PCDHGA11: variants seen among roughly 807,000 people sequenced by gnomAD.
PCDHGA11 encodes protocadherin gamma subfamily A, 11, also known as protocadherin gamma-A11.
PCDHGA11 carries 39 observed loss-of-function variants against 60.4 expected under a neutral mutation model. The ratio of observed to expected loss-of-function variants is 0.65; its 90% CI spans 0.50 to 0.84. The LOEUF (loss-of-function observed/expected upper bound fraction) is 0.84, where lower values mean the gene tolerates loss of function less well. Ranked by LOEUF, PCDHGA11 falls within the 40% of genes least tolerant of loss-of-function variation. The pLI is 0.00. For missense variants in PCDHGA11, 1,165 were observed against 1,197.7 expected (o/e 0.97, Z 0.40); for synonymous variants, 533 against 510.3 (o/e 1.04, Z -0.60).
rs547284271 is a variant in PCDHGA11 at position 141,489,064 on chromosome 5, C to G, written c.2434-5743C>G. On this transcript the variant is annotated intron_variant, in intron 1 of 3. Coordinates refer to ENST00000398587, the MANE Select transcript of PCDHGA11 (RefSeq NM_018914.3). This position sits in a 1 kb window ranked among gnomAD's most constrained non-coding sequence, Gnocchi z 4.5. ...TCCACTCAAATTCAGCTCCCCTCCC[C>G]CCTGCCCACCCCCGCCACTCGGTGA... 1.9e-4 allele frequency: 74 copies of G among 387,742 alleles called. No homozygotes were observed. The highest frequency in any genetic ancestry group is 1.5e-3 in the African/African-American group (70 of 47,296). The allele number at this position is 387,742 out of a possible 1,614,324, so 24.0% of individuals were successfully genotyped here. A position where few individuals can be genotyped will look rare whatever the true frequency, so the allele number is the denominator to read the frequency against.
intron 1 of PCDHGA11, among the ~76,000 whole-genome samples, chr5:141,443,008 T>C (rs2098358096): frequency 1.3e-5 from 2 of 152,220 alleles, no homozygotes; most frequent in Admixed American, 1.3e-4. Context: ...TCTAAGAATA[T>C]GACTAATGGA....
chr5:141,421,975 G>T lies in PCDHGA11; in HGVS notation c.748G>T (p.Val250Leu). 1 of 1,610,052 alleles carries T rather than the reference G, an allele frequency of 6.2e-7. No individual in the cohort carries two copies. Among genetic ancestry groups the T allele is most frequent in the African/African-American group, 1.3e-5 (1 of 74,842 alleles). ...IPMFTQSVYR[V>L]SVPENISSGT... ...AATGTTTACACAGTCCGTATATCGCGTGAGTGTTCCAGAAAACATCAGCTC... is the reference window on the plus strand; with the variant it reads ...AATGTTTACACAGTCCGTATATCGCTTGAGTGTTCCAGAAAACATCAGCTC... The change falls in exon 1 of 4, where the codon GTG becomes TTG. Residue 250 changes from valine (V) to leucine (L), a missense_variant. Val to Leu is a conservative substitution (Grantham distance 32). Transcript: ENST00000398587.
chr5:141,476,584 C>T lies in PCDHGA11; in HGVS notation c.2434-18223C>T. 6.2e-7 allele frequency: 1 copy of T among 1,614,218 alleles called. No individual in the cohort carries two copies. The highest frequency in any genetic ancestry group is 8.5e-7 in the Non-Finnish European group (1 of 1,180,042). ...TGGCTCCGGGGACGCGCTTTCCGCTCGAGAGCGCGCACGATCCCGATGTGG... is the reference window on the plus strand; with the variant it reads ...TGGCTCCGGGGACGCGCTTTCCGCTTGAGAGCGCGCACGATCCCGATGTGG... On this transcript the variant is annotated intron_variant, in intron 1 of 3. Coordinates refer to ENST00000398587, the MANE Select transcript of PCDHGA11 (RefSeq NM_018914.3). The surrounding 1 kb of genome is among the most constrained non-coding windows in gnomAD (Gnocchi z 7.6).
intron 1 of PCDHGA11, among the ~76,000 whole-genome samples, chr5:141,446,325 T>G (rs1440954528): frequency 3.9e-5 from 6 of 152,124 alleles, no homozygotes; most frequent in African/African-American, 1.4e-4. Flanking sequence ...GTTTCCACAT[T>G]AAGGAACTGG....
Position 141,422,431 on chromosome 5 carries a change from T to G in PCDHGA11, c.1204T>G (p.Tyr402Asp). 6.2e-7 allele frequency: 1 copy of G among 1,608,846 alleles called. No homozygotes were observed. Among genetic ancestry groups the G allele is most frequent in the Non-Finnish European group, 8.5e-7 (1 of 1,178,460 alleles). ...PFKLEKTYGN[Y>D]YKLITSRVLD... ...TAAATTAGAAAAGACTTATGGAAAT[T>G]ATTACAAATTGATAACAAGCAGAGT... Residue 402 changes from tyrosine (Y) to aspartate (D), a missense_variant, in exon 1 of 4, where the codon TAT (tyrosine) becomes GAT (aspartate). Tyr to Asp is a radical substitution (Grantham distance 160). Transcript: ENST00000398587.
chr5:141,455,983 C>T (rs542017964), intron 1 of PCDHGA11, among the ~76,000 whole-genome samples: 23 of 151,546 alleles, frequency 1.5e-4, no homozygotes, highest in African/African-American at 5.1e-4. Context: ...CTGCAAGCTC[C>T]GCCTCTCGGG....
intron 1 of PCDHGA11, chr5:141,433,239 G>A: frequency 1.3e-6 from 2 of 1,494,126 alleles, no homozygotes; most frequent in Non-Finnish European, 1.8e-6. Context: ...TGTCTCCCAA[G>A]CTGGAATGCA....
Position 141,432,880 on chromosome 5 carries a change from C to T in PCDHGA11, c.2433+9220C>T, listed in dbSNP as rs865848752. ...CGGTCTCCTGCGTCTTCCTGGCCTT[C>T]GTCATCTTGCTGCTGGCGCTCAGGC... On this transcript the variant is annotated intron_variant, in intron 1 of 3. Transcript: ENST00000398587. The surrounding 1 kb of genome is among the most constrained non-coding windows in gnomAD (Gnocchi z 6.0). 1 of 1,614,194 alleles carries T rather than the reference C, an allele frequency of 6.2e-7. No individual in the cohort carries two copies. Among genetic ancestry groups the T allele is most frequent in the Non-Finnish European group, 8.5e-7 (1 of 1,180,008 alleles).
At chr5:141,460,733 C>T (rs988651750) in intron 1 of PCDHGA11, among the ~76,000 whole-genome samples, 2 of 150,844 alleles carry the variant, frequency 1.3e-5, no homozygotes, top group Non-Finnish European at 3.0e-5. Context: ...CATATATACA[C>T]ATTGTATATA....
Position 141,511,072 on chromosome 5 carries a change from A to C in PCDHGA11, c.2707A>C (p.Ser903Arg). The C allele has an allele frequency of 6.2e-7, 1 of 1,614,252 alleles. No individual in the cohort carries two copies. Among genetic ancestry groups the C allele is most frequent in the Non-Finnish European group, 8.5e-7 (1 of 1,180,034 alleles). Residue 903 changes from serine to arginine, a missense_variant, in exon 4 of 4, where the codon AGC (serine) becomes CGC (arginine). Ser to Arg is a moderately radical substitution (Grantham distance 110). Coordinates refer to ENST00000398587, the MANE Select transcript of PCDHGA11 (RefSeq NM_018914.3). ...CCGCCAGAATGTCTACATCCCAGGC[A>C]GCAATGCCACACTGACCAACGCAGC... ...DYRQNVYIPG[S>R]NATLTNAAGK...
chr5:141,485,106 T>A lies in PCDHGA11; in HGVS notation c.2434-9701T>A, dbSNP rs2099607051. 8.3e-7 allele frequency: 1 copy of A among 1,206,448 alleles called. No individual in the cohort carries two copies. Among genetic ancestry groups the A allele is most frequent in the Admixed American group, 1.8e-5 (1 of 55,050 alleles). 74.7% of individuals were successfully genotyped at this position (1,206,448 alleles called of 1,614,324 possible). On this transcript the variant is annotated intron_variant, in intron 1 of 3. Coordinates refer to ENST00000398587, the MANE Select transcript of PCDHGA11 (RefSeq NM_018914.3). The surrounding 1 kb of genome is among the most constrained non-coding windows in gnomAD (Gnocchi z 5.7). ...GGGAGATAGGTGTCTCCAGCTGCTG[T>A]GGCTGTTTGGGGCGGGTCGGCTTCA...
At chr5:141,473,168 A>G (rs1026233643) in intron 1 of PCDHGA11, among the ~76,000 whole-genome samples, 2 of 152,218 alleles carry the variant, frequency 1.3e-5, no homozygotes, top group Admixed American at 1.3e-4. Context: ...AGGAAGGCCC[A>G]CTGGTAACTT....
In PCDHGA11 at chr5:141,489,291, C is replaced by A; in HGVS notation, c.2434-5516C>A. ...TCGCTGGGAAATGGCAAGTGCTGTG[C>A]ATGTTGTCCTTGTGCTGCTGGGGCT... is the stretch of plus-strand genomic sequence containing the variant. On this transcript the variant is annotated intron_variant, in intron 1 of 3. Transcript: ENST00000398587. This position sits in a 1 kb window ranked among gnomAD's most constrained non-coding sequence, Gnocchi z 4.5. 6.3e-7 allele frequency: 1 copy of A among 1,577,628 alleles called. No homozygotes were observed. The highest frequency in any genetic ancestry group is 8.6e-7 in the Non-Finnish European group (1 of 1,161,994).
At chr5:141,434,785 T>A (rs7727021) in intron 1 of PCDHGA11, among the ~76,000 whole-genome samples, 45,585 of 150,884 alleles carry the variant, frequency 0.3, 8,100 homozygotes, top group African/African-American at 0.51. Context: ...AAAAAAAAAA[T>A]TTTTTTTTCT....
rs147534370 is a variant in PCDHGA11 at position 141,511,170 on chromosome 5, G to A, written c.2805G>A (p.Lys935=). ...AGAAGTCGGGCAAGAAGGAGAAGAA[G>A]TAACATGGAGGCCAGGCCAAGAGCC... ...NKKKSGKKEK[K] The change falls in exon 4 of 4, where the codon AAG becomes AAA. Residue 935 remains lysine (K), a synonymous_variant. Coordinates refer to ENST00000398587, the MANE Select transcript of PCDHGA11 (RefSeq NM_018914.3). 1.9e-6 allele frequency: 3 copies of A among 1,613,988 alleles called. No homozygotes were observed. The highest frequency in any genetic ancestry group is 2.5e-6 in the Non-Finnish European group (3 of 1,179,990).
rs1280755615 is a variant in PCDHGA11 at position 141,431,629 on chromosome 5, A to C, written c.2433+7969A>C. On this transcript the variant is annotated intron_variant, in intron 1 of 3. Transcript: ENST00000398587. This position sits in a 1 kb window ranked among gnomAD's most constrained non-coding sequence, Gnocchi z 4.8. ...GGTATGTGGACGACAAGGCGGCCCA[A>C]GTTTTCAAACTAGATTGTAATTCAG... 6.2e-7 allele frequency: 1 copy of C among 1,614,246 alleles called. No individual in the cohort carries two copies. Among genetic ancestry groups the C allele is most frequent in the South Asian group, 1.1e-5 (1 of 91,090 alleles).
At chr5:141,438,635 TACAC>T (rs56854727) in intron 1 of PCDHGA11, among the ~76,000 whole-genome samples, 720 of 33,094 alleles carry the variant, frequency 0.022, 7 homozygotes, top group Middle Eastern at 0.05. Context: ...TATATATATA[TACAC>T]ACACACACAC....
chr5:141,454,892 C>T (rs1389056318), intron 1 of PCDHGA11, among the ~76,000 whole-genome samples: 4 of 146,994 alleles, frequency 2.7e-5, no homozygotes, highest in Non-Finnish European at 5.9e-5. Context: ...ACTGCTAGCA[C>T]CGCCTCCCGG....
Position 141,486,955 on chromosome 5 carries a change from T to A in PCDHGA11, c.2434-7852T>A, listed in dbSNP as rs1459820579. 1.9e-6 allele frequency: 3 copies of A among 1,614,128 alleles called. No individual in the cohort carries two copies. The highest frequency in any genetic ancestry group is 2.5e-6 in the Non-Finnish European group (3 of 1,180,048). ...CTGGCCACCTAATCACAAAGGTGACTGCTGTGGACTTGGATTCAGGTTACA... is the reference window on the plus strand; with the variant it reads ...CTGGCCACCTAATCACAAAGGTGACAGCTGTGGACTTGGATTCAGGTTACA... On this transcript the variant is annotated intron_variant, in intron 1 of 3. Coordinates refer to ENST00000398587, the MANE Select transcript of PCDHGA11 (RefSeq NM_018914.3). This position sits in a 1 kb window ranked among gnomAD's most constrained non-coding sequence, Gnocchi z 5.0.
Sources: gnomAD v4.1 joint callset for allele counts (sites outside exome capture counted in the v4.1 genomes callset) on GRCh38, gnomAD v4.1.1 for gene constraint, Gnocchi (gnomAD v3.1) non-coding constraint, MANE v1.5 for transcripts, NCBI Gene and HGNC (gene_info 2026-07-23, HGNC 2026-07-21) for gene names.